Variants in SQOR observed in about 807,000 individuals in gnomAD.
The protein encoded by SQOR is sulfide:quinone oxidoreductase, mitochondrial.
In SQOR, 39 loss-of-function variants were observed where a neutral mutation model predicts 48.6. That is an observed-to-expected ratio of 0.80 (90% CI 0.62 to 1.05). The LOEUF (loss-of-function observed/expected upper bound fraction) is 1.05, where lower values mean the gene tolerates loss of function less well. SQOR is among the 50% of genes least tolerant of loss of function. The pLI is 0.00. For synonymous variants in SQOR, 220 were observed against 206.2 expected (o/e 1.07, Z -0.57); for missense variants, 561 against 559.9 (o/e 1.00, Z -0.02).
Position 45,682,572 on chromosome 15 carries a change from A to C in SQOR, c.959A>C (p.Lys320Thr), listed in dbSNP as rs776715632. Residue 320 changes from lysine to threonine, a missense_variant, in exon 7 of 10, where the codon AAA becomes ACA. Physicochemically the swap from Lys to Thr is moderately conservative, Grantham distance 78. Transcript: ENST00000260324. ...GCTGCTGGTTGGGTGGATGTGGATA[A>C]AGAAACTCTGCAACACAGGAGGTAC... ...ADAAGWVDVD[K>T]ETLQHRRYPN... 3 of 1,614,090 alleles carry C rather than the reference A, an allele frequency of 1.9e-6. No homozygotes were observed. Among genetic ancestry groups the C allele is most frequent in the Non-Finnish European group, 2.5e-6 (3 of 1,180,048 alleles).
At chr15:45,683,891 T>TA in intron 7 of SQOR, among the ~76,000 whole-genome samples, 1 of 126,336 alleles carries the variant, frequency 7.9e-6, no homozygotes, top group Non-Finnish European at 1.9e-5. Context: ...TATATATATA[T>TA]TTTTGTTTGT....
At chr15:45,687,593 G>A (rs1190880309) in intron 7 of SQOR, among the ~76,000 whole-genome samples, 1 of 151,944 alleles carries the variant, frequency 6.6e-6, no homozygotes, top group African/African-American at 2.4e-5. Flanking sequence ...AATACAGCGG[G>A]AAAAAAATAG....
intron 3 of SQOR, 96 bp downstream of exon 3, chr15:45,662,221 A>G: frequency 7.5e-7 from 1 of 1,331,098 alleles, no homozygotes; most frequent in Non-Finnish European, 1.1e-6. Context: ...AAAGAGCGGT[A>G]TATATGCATG....
chr15:45,684,603 TC>T (rs1278379409), intron 7 of SQOR, among the ~76,000 whole-genome samples: 1 of 151,844 alleles, frequency 6.6e-6, no homozygotes, highest in Non-Finnish European at 1.5e-5. Flanking sequence ...TCTCTCTCTC[TC>T]TCTCTCTCTT....
intron 1 of SQOR, among the ~76,000 whole-genome samples, chr15:45,650,322 G>A (rs772494426): frequency 6.6e-6 from 1 of 152,222 alleles, no homozygotes; most frequent in African/African-American, 2.4e-5. Context: ...CTCGTGGGGA[G>A]TGTTACAGTT....
At position 45,676,069 on chromosome 15, in the gene SQOR, T is replaced by G. The variant is rs75743877; in HGVS notation, c.655-32T>G. The G allele has an allele frequency of 1.1e-3, 1,704 of 1,587,078 alleles. 18 individuals carry two copies. In the African/African-American group the frequency reaches 0.022, roughly 20 times the overall value. On this transcript the variant is annotated intron_variant, in intron 5 of 9. Coordinates refer to ENST00000260324, the MANE Select transcript of SQOR (RefSeq NM_021199.4). ...AAAAAAAAGGCAGCTGCAGTCATGC[T>G]TTGGTGTGAATGGTTTTCTTATTTT...
At chr15:45,641,179 A>G (rs1481743163) in intron 1 of SQOR, among the ~76,000 whole-genome samples, 4 of 152,100 alleles carry the variant, frequency 2.6e-5, no homozygotes, top group Non-Finnish European at 5.9e-5. Context: ...CTGCTTAGCA[A>G]TTGTATTGGT....
intron 6 of SQOR, among the ~76,000 whole-genome samples, chr15:45,680,065 GTGTT>G (rs951986669): frequency 4.6e-5 from 7 of 152,262 alleles, no homozygotes; most frequent in Non-Finnish European, 7.4e-5. Flanking sequence ...CTAAGTGCCA[GTGTT>G]TGTTTGTTTG....
chr15:45,663,314 G>A (rs1175468227), intron 3 of SQOR, among the ~76,000 whole-genome samples: 5 of 152,048 alleles, frequency 3.3e-5, no homozygotes, highest in African/African-American at 4.8e-5. Flanking sequence ...CATTGTGCCC[G>A]GCCTGCTGAG....
chr15:45,638,161 A>C (rs921025164), intron 1 of SQOR, among the ~76,000 whole-genome samples: 3 of 152,240 alleles, frequency 2.0e-5, no homozygotes, highest in Non-Finnish European at 4.4e-5. Context: ...AGAACAAAAA[A>C]ACCCTCGGAA....
chr15:45,659,069 T>G lies in SQOR; in HGVS notation c.146T>G (p.Leu49Arg). 6.3e-7 allele frequency: 1 copy of G among 1,596,290 alleles called. No individual in the cohort carries two copies. Among genetic ancestry groups the G allele is most frequent in the Non-Finnish European group, 8.5e-7 (1 of 1,171,926 alleles). The change falls in exon 2 of 10, where the codon CTG (leucine) becomes CGG (arginine). Residue 49 changes from leucine (L) to arginine (R), a missense_variant. Transcript: ENST00000260324. ...AGGAACCATTATGAGGTGCTGGTGC[T>G]GGGTGGGGGCAGTGGCGGAATCACC... ...AARNHYEVLV[L>R]GGGSGGITMA...
intron 7 of SQOR, among the ~76,000 whole-genome samples, chr15:45,683,026 CA>C (rs34072446): frequency 0.33 from 39,010 of 119,678 alleles, 6,103 homozygotes; most frequent in Middle Eastern, 0.41. Context: ...GGCTTCATCT[CA>C]AAAAAAAAAA....
chr15:45,691,099 G>A lies in SQOR; in HGVS notation c.*69G>A. ...AACTGCAGTCACTGAATGACCAAGA[G>A]CAGCACGAAGGACTTGGAACCTATC... On this transcript the variant is annotated 3_prime_UTR_variant, in exon 10 of 10. Transcript: ENST00000260324. 7.4e-7 allele frequency: 1 copy of A among 1,350,286 alleles called. No individual in the cohort carries two copies. The highest frequency in any genetic ancestry group is 1.1e-6 in the Non-Finnish European group (1 of 939,052). The allele number at this position is 1,350,286 out of a possible 1,614,324, so 83.6% of individuals were successfully genotyped here.
chr15:45,683,896 GT>G (rs1890173052), intron 7 of SQOR, among the ~76,000 whole-genome samples: 19 of 62,384 alleles, frequency 3.0e-4, no homozygotes, highest in African/African-American at 6.6e-4. Context: ...ATATATTTTT[GT>G]TTGTTTGTTT....
Position 45,669,979 on chromosome 15 carries a change from A to G in SQOR, c.457A>G (p.Lys153Glu), listed in dbSNP as rs1210699308. 1.2e-6 allele frequency: 2 copies of G among 1,613,972 alleles called. No individual in the cohort carries two copies. Among genetic ancestry groups the G allele is most frequent in the Non-Finnish European group, 8.5e-7 (1 of 1,179,884 alleles). Residue 153 changes from lysine (K) to glutamate (E), a missense_variant and splice_region_variant, in exon 4 of 10, where the codon AAG becomes GAG. Physicochemically the swap from Lys to Glu is moderately conservative, Grantham distance 56. Transcript: ENST00000260324. ...TCTCGGAATCCAGCTGGACTATGAG[A>G]AGGTACCGTGTGAAACTGTTTCTGT... ...IALGIQLDYE[K>E]IKGLPEGFAH...
chr15:45,659,206 G>T, intron 2 of SQOR, 49 bp downstream of exon 2: 1 of 1,375,444 alleles, frequency 7.3e-7, no homozygotes, highest in African/African-American at 1.5e-5. Flanking sequence ...GTGTGTGTGT[G>T]TGTGAGTGTG....
intron 4 of SQOR, among the ~76,000 whole-genome samples, chr15:45,671,106 G>A (rs1003618571): frequency 6.6e-6 from 1 of 152,204 alleles, no homozygotes; most frequent in Non-Finnish European, 1.5e-5. Flanking sequence ...TTTAAAAGTA[G>A]CCATTATTAT....
chr15:45,648,570 G>A (rs1445366918), intron 1 of SQOR, among the ~76,000 whole-genome samples: 1 of 152,214 alleles, frequency 6.6e-6, no homozygotes, highest in Admixed American at 6.5e-5. Context: ...TAGCATTAGG[G>A]CTGACTTAAT....
At chr15:45,687,834 A>G (rs1327124565) in intron 7 of SQOR, among the ~76,000 whole-genome samples, 1 of 152,190 alleles carries the variant, frequency 6.6e-6, no homozygotes, top group Non-Finnish European at 1.5e-5. Context: ...CTATAGATCT[A>G]TATCTATATC....
Sources: gnomAD v4.1 joint callset for allele counts (sites outside exome capture counted in the v4.1 genomes callset) on GRCh38, gnomAD v4.1.1 for gene constraint, MANE v1.5 for transcripts, NCBI Gene and HGNC (gene_info 2026-07-23, HGNC 2026-07-21) for gene names.